Variants in INTS8 observed in about 807,000 individuals in gnomAD.
INTS8 encodes protein kaonashi-1.
In INTS8, 47 loss-of-function variants were observed where a neutral mutation model predicts 138.9. The observed-to-expected ratio is 0.34, with a 90% CI of 0.27 to 0.43. The LOEUF is 0.43. INTS8 is among the 20% of genes least tolerant of loss of function. The pLI, the probability that INTS8 is intolerant of heterozygous loss-of-function variation, is 1.00. For synonymous variants in INTS8, 392 were observed against 400.9 expected (o/e 0.98, Z 0.27); for missense variants, 996 against 1,173.0 (o/e 0.85, Z 2.20).
intron 6 of INTS8, among the ~76,000 whole-genome samples, chr8:94,833,216 A>G (rs923961810): frequency 6.6e-6 from 1 of 152,090 alleles, no homozygotes. Context: ...TTTTCTGGAA[A>G]GGGGTAAAAA....
intron 2 of INTS8, among the ~76,000 whole-genome samples, chr8:94,826,398 C>G (rs143486924): frequency 6.6e-6 from 1 of 152,152 alleles, no homozygotes; most frequent in East Asian, 1.9e-4. Flanking sequence ...TCTCCTGCCT[C>G]AGCCTCCCGA....
At position 94,828,957 on chromosome 8, in the gene INTS8, C is replaced by T; in HGVS notation, c.519-18C>T. 6.4e-7 allele frequency: 1 copy of T among 1,554,114 alleles called. No homozygotes were observed. Among genetic ancestry groups the T allele is most frequent in the East Asian group, 2.3e-5 (1 of 44,280 alleles). Reference sequence around the variant, plus strand: ...GAGTAACTTTTGATACTTTTGTTTTCAATTGTTTCTCTTTTAGTATGAATC... The same window carrying T: ...GAGTAACTTTTGATACTTTTGTTTTTAATTGTTTCTCTTTTAGTATGAATC... On this transcript the variant is annotated intron_variant, in intron 4 of 26. Transcript: ENST00000523731.
chr8:94,864,788 C>A (rs187573148), intron 16 of INTS8: 1 of 152,316 alleles, frequency 6.6e-6, no homozygotes, highest in East Asian at 1.9e-4. Flanking sequence ...CTTTCCCACT[C>A]TTTATTTCTG....
At chr8:94,834,129 AT>A (rs920241798) in intron 6 of INTS8, among the ~76,000 whole-genome samples, 7 of 152,002 alleles carry the variant, frequency 4.6e-5, no homozygotes, top group African/African-American at 1.7e-4. Flanking sequence ...AAAAATTGTT[AT>A]TTTTTTCCCC....
chr8:94,856,229 T>G (rs1815740414), intron 14 of INTS8, among the ~76,000 whole-genome samples: 1 of 152,234 alleles, frequency 6.6e-6, no homozygotes, highest in African/African-American at 2.4e-5. Flanking sequence ...GAGAGTTACT[T>G]CTTTGTAATG....
chr8:94,859,852 C>G, intron 16 of INTS8: 1 of 467,218 alleles, frequency 2.1e-6, no homozygotes, highest in Non-Finnish European at 3.9e-6. Flanking sequence ...CATGTAGTCA[C>G]AGATTATTTA....
At chr8:94,855,753 A>C (rs1815723127) in intron 14 of INTS8, among the ~76,000 whole-genome samples, 1 of 152,214 alleles carries the variant, frequency 6.6e-6, no homozygotes, top group Non-Finnish European at 1.5e-5. Context: ...AAAATCTGGA[A>C]GCAATTGGCA....
Position 94,867,210 on chromosome 8 carries a change from A to G in INTS8, c.2352+14A>G. 1 of 1,603,262 alleles carries G rather than the reference A, an allele frequency of 6.2e-7. No individual in the cohort carries two copies. The highest frequency in any genetic ancestry group is 8.5e-7 in the Non-Finnish European group (1 of 1,174,552). On this transcript the variant is annotated intron_variant, in intron 19 of 26. Coordinates refer to ENST00000523731, the MANE Select transcript of INTS8 (RefSeq NM_017864.4). ...CACAATGTTCGGGTAAGTATTTCAT[A>G]ATTTCATTTAGAAAAATTTAAAAGA...
chr8:94,858,476 T>C (rs1283852701), intron 15 of INTS8, among the ~76,000 whole-genome samples: 2 of 152,224 alleles, frequency 1.3e-5, no homozygotes, highest in African/African-American at 2.4e-5. Context: ...TGTATACATA[T>C]TTACTTTTTA....
At chr8:94,835,723 C>T (rs1006262512) in intron 6 of INTS8, among the ~76,000 whole-genome samples, 11 of 152,254 alleles carry the variant, frequency 7.2e-5, no homozygotes, top group African/African-American at 2.4e-4. Flanking sequence ...CCCCAGCCTC[C>T]CAAATAGCTG....
intron 14 of INTS8, among the ~76,000 whole-genome samples, chr8:94,854,249 T>C (rs1232902528): frequency 6.6e-6 from 1 of 152,060 alleles, no homozygotes; most frequent in Non-Finnish European, 1.5e-5. Flanking sequence ...TTACTAATTT[T>C]AGCAGGAAGT....
At chr8:94,826,372 C>T (rs1033495005) in intron 2 of INTS8, among the ~76,000 whole-genome samples, 17 of 152,246 alleles carry the variant, frequency 1.1e-4, no homozygotes, top group African/African-American at 3.9e-4. Context: ...AGCTCCGCCT[C>T]CTGGGTTGAC....
chr8:94,834,176 T>C (rs1197471937), intron 6 of INTS8, among the ~76,000 whole-genome samples: 2 of 152,334 alleles, frequency 1.3e-5, no homozygotes, highest in Admixed American at 6.5e-5. Flanking sequence ...TCAGGGCAGC[T>C]TCATTATCAG....
intron 22 of INTS8, chr8:94,873,804 T>C (rs1200474654): frequency 1.1e-5 from 2 of 184,972 alleles, no homozygotes; most frequent in East Asian, 1.5e-4. Context: ...ATACCAAACA[T>C]TTTTGTTTAA....
intron 20 of INTS8, among the ~76,000 whole-genome samples, chr8:94,870,967 CTT>C: frequency 6.6e-6 from 1 of 152,154 alleles, no homozygotes; most frequent in African/African-American, 2.4e-5. Context: ...TCACAGTACT[CTT>C]TTCTTGATTC....
chr8:94,867,755 C>T (rs1029028762), intron 20 of INTS8: 2 of 157,384 alleles, frequency 1.3e-5, no homozygotes, highest in African/African-American at 4.8e-5. Context: ...AACTCCTGAC[C>T]TCAAGTGATC....
rs563284853 is a variant in INTS8 at position 94,826,675 on chromosome 8, T to C, written c.306-588T>C. On this transcript the variant is annotated intron_variant, in intron 2 of 26. Coordinates refer to ENST00000523731, the MANE Select transcript of INTS8 (RefSeq NM_017864.4). Reference sequence around the variant, plus strand: ...TGAAATATTTATGGACGAAATGATTTGGGAAGTGGGGAAGAATAGAGATGA... The same window carrying C: ...TGAAATATTTATGGACGAAATGATTCGGGAAGTGGGGAAGAATAGAGATGA... 1.3e-3 allele frequency among the ~76,000 whole-genome samples: 204 copies of C among 152,312 alleles called. 1 individual carries two copies. The highest frequency in any genetic ancestry group is 2.3e-3 in the Non-Finnish European group (157 of 68,024).
At chr8:94,853,748 T>A in intron 13 of INTS8, 57 bp from the exon 14 acceptor site, 2 of 892,390 alleles carry the variant, frequency 2.2e-6, no homozygotes, top group South Asian at 3.0e-5. Context: ...AAGATTCTTA[T>A]CTAGATTTGG....
chr8:94,827,870 C>G (rs1814568464), intron 4 of INTS8, 77 bp downstream of exon 4: 5 of 1,160,644 alleles, frequency 4.3e-6, no homozygotes, highest in Non-Finnish European at 6.5e-6. Flanking sequence ...TTTTAATAAC[C>G]TCTGTTATAG....
Sources: allele counts gnomAD v4.1 joint callset (sites outside exome capture counted in the v4.1 genomes callset), GRCh38; gene constraint gnomAD v4.1.1; transcripts MANE v1.5; gene names NCBI Gene and HGNC (gene_info 2026-07-23, HGNC 2026-07-21).